SAMD3: variants seen among roughly 807,000 people sequenced by gnomAD.
SAMD3 encodes sterile alpha motif domain-containing protein 3.
Under a neutral mutation model 58.5 loss-of-function variants are expected in SAMD3, and 63 were observed. The ratio of observed to expected loss-of-function variants is 1.08; its 90% CI spans 0.88 to 1.33. SAMD3 has a LOEUF of 1.33. Among genes scored for constraint, SAMD3 ranks in the 40% most tolerant of loss-of-function variants. The pLI, the probability that SAMD3 is intolerant of heterozygous loss-of-function variation, is 0.00. For missense variants in SAMD3, 604 were observed against 608.4 expected (o/e 0.99, Z 0.08); for synonymous variants, 220 against 210.3 (o/e 1.05, Z -0.40).
intron 1 of SAMD3, among the ~76,000 whole-genome samples, chr6:130,343,506 G>A (rs565336324): frequency 7.2e-5 from 11 of 152,198 alleles, no homozygotes; most frequent in African/African-American, 1.7e-4. Context: ...TATTCCTTTC[G>A]TGGAAGTCAG....
At chr6:130,333,673 T>C (rs1192651207) in intron 1 of SAMD3, among the ~76,000 whole-genome samples, 1 of 152,220 alleles carries the variant, frequency 6.6e-6, no homozygotes, top group African/African-American at 2.4e-5. Context: ...TAAAATCTGA[T>C]ATAAGCTCTT....
At chr6:130,229,344 C>A (rs2876097) in intron 2 of SAMD3, among the ~76,000 whole-genome samples, 21,555 of 152,136 alleles carry the variant, frequency 0.14, 1,746 homozygotes, top group East Asian at 0.36. Context: ...GCGCCCATGT[C>A]GTAGACTTCA....
intron 1 of SAMD3, among the ~76,000 whole-genome samples, chr6:130,314,983 GTAT>G (rs1776310532): frequency 1.3e-5 from 2 of 152,106 alleles, no homozygotes; most frequent in African/African-American, 4.8e-5. Context: ...TATTTCCATT[GTAT>G]TATGACTTAT....
chr6:130,188,343 C>T (rs1251001902), intron 5 of SAMD3, among the ~76,000 whole-genome samples: 1 of 152,230 alleles, frequency 6.6e-6, no homozygotes, highest in Non-Finnish European at 1.5e-5. Flanking sequence ...ACAGATGTTA[C>T]ATGAGGGCGG....
At chr6:130,232,575 C>T (rs75184378) in intron 2 of SAMD3, among the ~76,000 whole-genome samples, 20,426 of 152,084 alleles carry the variant, frequency 0.13, 1,629 homozygotes, top group East Asian at 0.36. Flanking sequence ...ATACAGTTTA[C>T]GAGTTCAAGT....
intron 2 of SAMD3, chr6:130,215,749 G>T: frequency 6.6e-7 from 1 of 1,506,568 alleles, no homozygotes; most frequent in South Asian, 1.2e-5. Context: ...ATAAAAGCCT[G>T]ACAGAGATAC....
At chr6:130,317,383 C>A (rs759937854) in intron 1 of SAMD3, among the ~76,000 whole-genome samples, 1 of 152,086 alleles carries the variant, frequency 6.6e-6, no homozygotes, top group East Asian at 1.9e-4. Context: ...ACTTATTGTT[C>A]TAGGCACTGG....
chr6:130,361,476 A>G (rs1777987092), intron 1 of SAMD3, among the ~76,000 whole-genome samples: 2 of 152,214 alleles, frequency 1.3e-5, no homozygotes, highest in African/African-American at 4.8e-5. Context: ...TTACAAACTC[A>G]GCTGTATGTG....
chr6:130,228,093 A>G (rs1796435000), intron 2 of SAMD3, among the ~76,000 whole-genome samples: 2 of 152,234 alleles, frequency 1.3e-5, no homozygotes, highest in Non-Finnish European at 2.9e-5. Context: ...AAGCCTATGC[A>G]TAATGACAAT....
At chr6:130,329,969 G>C (rs368071975) in intron 1 of SAMD3, among the ~76,000 whole-genome samples, 8 of 152,214 alleles carry the variant, frequency 5.3e-5, no homozygotes, top group African/African-American at 1.9e-4. Context: ...AATGCATGCA[G>C]GGCTTAAAAC....
chr6:130,184,730 C>A, intron 5 of SAMD3, 107 bp from the exon 6 acceptor site: 1 of 845,284 alleles, frequency 1.2e-6, no homozygotes, highest in Non-Finnish European at 1.8e-6. Context: ...TCCTGAGACC[C>A]AAATATATGG....
intron 1 of SAMD3, among the ~76,000 whole-genome samples, chr6:130,350,053 G>T (rs561281863): frequency 1.3e-5 from 2 of 152,214 alleles, no homozygotes; most frequent in South Asian, 2.1e-4. Flanking sequence ...AATAAATTAG[G>T]TATTGATGTG....
rs937380466 is a variant in SAMD3 at position 130,278,220 on chromosome 6, G to C, written c.-188+34758C>G. Among the ~76,000 whole-genome samples, 3 of 152,144 alleles carry C rather than the reference G, an allele frequency of 2.0e-5. No individual in the cohort carries two copies. In the East Asian group the frequency reaches 5.8e-4, roughly 29 times the overall value. On this transcript the variant is annotated intron_variant, in intron 2 of 13. Coordinates refer to the SAMD3 transcript ENST00000368134. ...TGATACAGCACAAGTAGACAGCTTC[G>C]ACTCCCTATGATTTCATCTCTGACC... is the stretch of plus-strand genomic sequence containing the variant.
intron 1 of SAMD3, among the ~76,000 whole-genome samples, chr6:130,219,105 G>A (rs1796117514): frequency 6.6e-6 from 1 of 152,154 alleles, no homozygotes; most frequent in Non-Finnish European, 1.5e-5. Context: ...ACATCCATAT[G>A]TGCACCAGTT....
At chr6:130,344,265 G>A (rs750533313) in intron 1 of SAMD3, among the ~76,000 whole-genome samples, 7 of 152,114 alleles carry the variant, frequency 4.6e-5, no homozygotes, top group Non-Finnish European at 7.4e-5. Context: ...TATGTCTCTC[G>A]CTATCTGTAT....
chr6:130,218,457 T>C (rs1057093031), intron 1 of SAMD3, among the ~76,000 whole-genome samples: 1 of 152,198 alleles, frequency 6.6e-6, no homozygotes, highest in African/African-American at 2.4e-5. Flanking sequence ...CCTGATGATA[T>C]TCTTCCAACC....
intron 2 of SAMD3, among the ~76,000 whole-genome samples, chr6:130,230,080 A>G (rs1200363691): frequency 6.6e-6 from 1 of 152,262 alleles, no homozygotes; most frequent in African/African-American, 2.4e-5. Context: ...GTGGTGCAGA[A>G]CAGGTCTGAT....
chr6:130,145,395 A>G lies in SAMD3; in HGVS notation c.1223T>C (p.Leu408Pro). The G allele has an allele frequency of 6.2e-7, 1 of 1,611,664 alleles. No individual in the cohort carries two copies. Among genetic ancestry groups the G allele is most frequent in the Non-Finnish European group, 8.5e-7 (1 of 1,178,348 alleles). Reference protein sequence around the residue: ...KYMKMTATCLLLPDVFGDDPS... With the variant: ...KYMKMTATCLPLPDVFGDDPS... ...ATCATCCCCAAAAACATCTGGGAGG[A>G]GTAAACATGTGGCTGTCATCTTCAT... is the stretch of plus-strand genomic sequence containing the variant. The change falls in exon 11 of 12, where the codon CTC becomes CCC. Residue 408 changes from leucine (L) to proline (P), a missense_variant. Physicochemically the swap from Leu to Pro is moderately conservative, Grantham distance 98. Transcript: ENST00000439090.
Position 130,193,767 on chromosome 6 carries a change from T to G in SAMD3, c.384-9144A>C, listed in dbSNP as rs1330120796. Among the ~76,000 whole-genome samples the G allele has an allele frequency of 3.9e-5, 6 of 152,128 alleles. No homozygotes were observed. In the East Asian group the frequency reaches 1.2e-3, roughly 29 times the overall value. Reference sequence around the variant, plus strand: ...ATAGCCAGAAAATGGCACTTTCAAGTTTTCCATCCTGCAAGATCTAAATAA... The same window carrying G: ...ATAGCCAGAAAATGGCACTTTCAAGGTTTCCATCCTGCAAGATCTAAATAA... On this transcript the variant is annotated intron_variant, in intron 5 of 11. Coordinates refer to ENST00000439090, the MANE Select transcript of SAMD3 (RefSeq NM_001017373.4).
Sources: gnomAD v4.1 joint callset for allele counts (sites outside exome capture counted in the v4.1 genomes callset) on GRCh38, gnomAD v4.1.1 for gene constraint, MANE v1.5 for transcripts, NCBI Gene and HGNC (gene_info 2026-07-23, HGNC 2026-07-21) for gene names.